Variants in SVOPL observed in about 807,000 individuals in gnomAD.
SVOPL encodes putative transporter SVOPL.
In SVOPL, 60 loss-of-function variants were observed where a neutral mutation model predicts 61.0. The ratio of observed to expected loss-of-function variants is 0.98; its 90% CI spans 0.80 to 1.22. SVOPL has a LOEUF of 1.22. Among genes scored for constraint, SVOPL ranks in the 50% most tolerant of loss-of-function variants. The pLI is 0.00. For missense variants in SVOPL, 662 were observed against 643.9 expected, an observed-to-expected ratio of 1.03 and a Z score of -0.30; for synonymous variants, 279 against 250.0, an observed-to-expected ratio of 1.12 and a Z score of -1.09.
At chr7:138,686,405 CAAAA>C (rs200553829) in intron 1 of SVOPL, among the ~76,000 whole-genome samples, 40 of 88,704 alleles carry the variant, frequency 4.5e-4, no homozygotes, top group African/African-American at 1.6e-3. Flanking sequence ...GACTCCGCCT[CAAAA>C]AAAAAAAAAA....
chr7:138,642,063 C>T (rs548704936), intron 9 of SVOPL, among the ~76,000 whole-genome samples: 224 of 150,922 alleles, frequency 1.5e-3, no homozygotes, highest in African/African-American at 5.3e-3. Flanking sequence ...CAAATAACAA[C>T]ATCCTCTTAA....
At chr7:138,667,485 C>T (rs996578121) in intron 4 of SVOPL, among the ~76,000 whole-genome samples, 2 of 152,324 alleles carry the variant, frequency 1.3e-5, no homozygotes, top group Middle Eastern at 3.4e-3. Context: ...CATTCTTCCA[C>T]CTGCCCTGAG....
chr7:138,663,632 C>T, intron 4 of SVOPL: 1 of 981,642 alleles, frequency 1.0e-6, no homozygotes, highest in Non-Finnish European at 1.2e-6. Context: ...TACTTCTTTT[C>T]CTTACTCGTT....
chr7:138,698,506 T>C (rs1803121889), intron 1 of SVOPL, among the ~76,000 whole-genome samples: 1 of 152,032 alleles, frequency 6.6e-6, no homozygotes, highest in Admixed American at 6.6e-5. Context: ...TTGGACCGAA[T>C]CTGGCCAGCA....
chr7:138,662,304 T>C, intron 5 of SVOPL: 1 of 985,504 alleles, frequency 1.0e-6, no homozygotes, highest in Non-Finnish European at 1.2e-6. Flanking sequence ...ATCTGTTTCC[T>C]ACTGATTGTA....
intron 14 of SVOPL, among the ~76,000 whole-genome samples, chr7:138,604,316 A>G (rs1169029300): frequency 1.3e-5 from 2 of 152,180 alleles, no homozygotes; most frequent in Non-Finnish European, 2.9e-5. Flanking sequence ...AAGCTTTACA[A>G]CAAGCATATT....
intron 1 of SVOPL, among the ~76,000 whole-genome samples, chr7:138,682,368 A>G (rs1199760181): frequency 1.3e-5 from 2 of 152,236 alleles, no homozygotes; most frequent in Non-Finnish European, 2.9e-5. Flanking sequence ...CGTATACAAC[A>G]TCACCTGTGA....
chr7:138,654,496 G>GTTT (rs1212185361), intron 7 of SVOPL, among the ~76,000 whole-genome samples: 141 of 69,674 alleles, frequency 2.0e-3, no homozygotes, highest in African/African-American at 5.3e-3. Flanking sequence ...GGTTTACTGA[G>GTTT]TTTGTTTTTT....
At chr7:138,612,963 C>G (rs1399036023) in intron 14 of SVOPL, among the ~76,000 whole-genome samples, 1 of 152,078 alleles carries the variant, frequency 6.6e-6, no homozygotes, top group Admixed American at 6.6e-5. Flanking sequence ...TATAAGCTTA[C>G]TCTACCCTTT....
intron 4 of SVOPL, among the ~76,000 whole-genome samples, chr7:138,665,507 T>C (rs1802228262): frequency 6.6e-6 from 1 of 152,030 alleles, no homozygotes. Flanking sequence ...TGTGATGGCC[T>C]AATGAGGGAG....
chr7:138,599,688 G>A (rs949772664), intron 14 of SVOPL, among the ~76,000 whole-genome samples: 4 of 152,142 alleles, frequency 2.6e-5, no homozygotes, highest in African/African-American at 9.7e-5. Flanking sequence ...AGGAGTTCAA[G>A]ACCAGCCTGA....
intron 9 of SVOPL, among the ~76,000 whole-genome samples, chr7:138,637,437 TATATAGATAGATAGATAG>T (rs796591145): frequency 0.069 from 2,133 of 31,048 alleles, 40 homozygotes; most frequent in South Asian, 0.24. Flanking sequence ...CATATATATA[TATATAGATAGATAGATAG>T]ATATATATAT....
intron 5 of SVOPL, chr7:138,661,655 A>G: frequency 1.0e-6 from 1 of 961,042 alleles, no homozygotes; most frequent in Non-Finnish European, 1.2e-6. Flanking sequence ...AAAGATGTAG[A>G]ATCAGCTGAT....
intron 14 of SVOPL, among the ~76,000 whole-genome samples, chr7:138,603,855 T>G (rs1237750270): frequency 1.3e-5 from 2 of 152,122 alleles, no homozygotes; most frequent in African/African-American, 4.8e-5. Context: ...ACCTTTCTCC[T>G]TGTGACAGAC....
At chr7:138,655,492 C>T (rs536625884) in intron 7 of SVOPL, among the ~76,000 whole-genome samples, 23 of 151,848 alleles carry the variant, frequency 1.5e-4, no homozygotes, top group African/African-American at 2.7e-4. Flanking sequence ...GCAACAAGAG[C>T]GAAACTCCAT....
intron 1 of SVOPL, among the ~76,000 whole-genome samples, chr7:138,683,461 G>A (rs1044016074): frequency 1.6e-4 from 25 of 151,924 alleles, no homozygotes; most frequent in Non-Finnish European, 3.1e-4. Flanking sequence ...TCTGCCCCCC[G>A]GGTTCAAGCA....
intron 14 of SVOPL, among the ~76,000 whole-genome samples, chr7:138,606,300 G>T (rs2116784498): frequency 6.6e-6 from 1 of 152,270 alleles, no homozygotes; most frequent in East Asian, 1.9e-4. Context: ...AGGTTGGAGA[G>T]AAAGTTATTA....
At chr7:138,664,029 C>T (rs998439970) in intron 4 of SVOPL, among the ~76,000 whole-genome samples, 1 of 152,118 alleles carries the variant, frequency 6.6e-6, no homozygotes, top group Non-Finnish European at 1.5e-5. Flanking sequence ...GGGTCCTGCA[C>T]GCTACACTTT....
At chr7:138,687,396 C>G (rs1802842595) in intron 1 of SVOPL, among the ~76,000 whole-genome samples, 1 of 151,488 alleles carries the variant, frequency 6.6e-6, no homozygotes, top group Non-Finnish European at 1.5e-5. Flanking sequence ...CCACCATGCC[C>G]AGCAAATTTT....
Sources: allele counts gnomAD v4.1 joint callset (sites outside exome capture counted in the v4.1 genomes callset), GRCh38; gene constraint gnomAD v4.1.1; transcripts MANE v1.5; gene names NCBI Gene and HGNC (gene_info 2026-07-23, HGNC 2026-07-21).